The following ITGA7 variants were observed in gnomAD, a reference collection of about 807,000 sequenced individuals.
The protein encoded by ITGA7 is integrin subunit alpha 7.
A neutral mutation model predicts 131.6 loss-of-function variants in ITGA7; 84 were observed. That is an observed-to-expected ratio of 0.64 (90% confidence interval 0.54 to 0.77). The LOEUF (loss-of-function observed/expected upper bound fraction) is 0.77, where lower values mean the gene tolerates loss of function less well. Ranked by LOEUF, ITGA7 falls within the 30% of genes least tolerant of loss-of-function variation. ITGA7 has a pLI of 0.00. For missense variants in ITGA7, 1,399 were observed against 1,482.9 expected, an observed-to-expected ratio of 0.94 and a Z score of 0.93; for synonymous variants, 548 against 600.7, an observed-to-expected ratio of 0.91 and a Z score of 1.28.
At position 55,685,270 on chromosome 12, in the gene ITGA7, C is replaced by G; in HGVS notation, c.3202G>C (p.Ala1068Pro). ...LLWKMGFFKR[A>P]KHPEATVPQY... ...GGCACGGTGGCCTCGGGGTGCTTCG[C>G]CCGTTTGAAGAATCCCATCTATAAG... Residue 1068 changes from alanine to proline, a missense_variant, in exon 25 of 25, where the codon GCG becomes CCG. By Grantham distance (27) the Ala-to-Pro change is conservative. Coordinates refer to ENST00000257879, the MANE Select transcript of ITGA7 (RefSeq NM_002206.3). 4 of 1,614,148 alleles carry G rather than the reference C, an allele frequency of 2.5e-6. No individual in the cohort carries two copies. The highest frequency in any genetic ancestry group is 3.4e-6 in the Non-Finnish European group (4 of 1,180,036).
At position 55,695,557 on chromosome 12, in the gene ITGA7, G is replaced by C. The variant is rs766249553; in HGVS notation, c.1968C>G (p.Thr656=). ...NLQLVRARFC[T]RVSDTEFQPL... is the part of the protein sequence containing the mutation. Reference sequence around the variant, plus strand: ...GTTGGAATTCCGTGTCGCTGACCCGGGTACAGAAGCGGGCGCGGACCAGCT... The same window carrying C: ...GTTGGAATTCCGTGTCGCTGACCCGCGTACAGAAGCGGGCGCGGACCAGCT... Residue 656 remains threonine (T), a synonymous_variant, in exon 14 of 25, where the codon ACC becomes ACG. Coordinates refer to ENST00000257879, the MANE Select transcript of ITGA7 (RefSeq NM_002206.3). 1 of 1,613,876 alleles carries C rather than the reference G, an allele frequency of 6.2e-7. No individual in the cohort carries two copies. The highest frequency in any genetic ancestry group is 1.1e-5 in the South Asian group (1 of 91,070).
Position 55,699,923 on chromosome 12 carries a change from G to A in ITGA7, c.737C>T (p.Pro246Leu). The A allele has an allele frequency of 6.2e-7, 1 of 1,613,964 alleles. No homozygotes were observed. Residue 246 changes from proline (P) to leucine (L), a missense_variant, in exon 5 of 25, where the codon CCT becomes CTT. By Grantham distance (98) the Pro-to-Leu change is moderately conservative. Transcript: ENST00000257879. ...GGCTGGTCCTGGGAGCCGGTCAGCA[G>A]GGTCCAAAGTTTTATACACCAGCTG... ...PDQLVYKTLD[P>L]ADRLPGPAGD...
rs772243112 is a variant in ITGA7 at position 55,698,593 on chromosome 12, A to G, written c.999-17T>C. On this transcript the variant is annotated splice_polypyrimidine_tract_variant and intron_variant, in intron 6 of 24. Coordinates refer to ENST00000257879, the MANE Select transcript of ITGA7 (RefSeq NM_002206.3). ...TCTGGCCAGCTATGGAGAGAGGGAA[A>G]CATTCAGTGTGGGTCCTCCCTGGCC... 5 of 1,614,052 alleles carry G rather than the reference A, an allele frequency of 3.1e-6. No homozygotes were observed. In the South Asian group the frequency reaches 4.4e-5, roughly 14 times the overall value.
Position 55,698,398 on chromosome 12 carries a change from G to A in ITGA7, c.1177C>T (p.Gln393Ter). 1 of 1,613,006 alleles carries A rather than the reference G, an allele frequency of 6.2e-7. No homozygotes were observed. The highest frequency in any genetic ancestry group is 8.5e-7 in the Non-Finnish European group (1 of 1,179,486). ...CCCGTCACACCTGGAAAGCCATCTT[G>A]GTTGAGGTCCCCCAGGACAGCCAGG... The part of the protein sequence containing the change: ...ISLAVLGDLN[Q>*]DGFPDIAVGA... Residue 393 changes from glutamine (Q) to a stop codon, truncating the protein, a stop_gained, in exon 7 of 25, where the codon CAA (glutamine) becomes TAA (stop). Transcript: ENST00000257879. LOFTEE classifies it high-confidence loss of function.
At chr12:55,705,649 CAAG>C (rs753441839) in intron 1 of ITGA7, among the ~76,000 whole-genome samples, 3 of 152,236 alleles carry the variant, frequency 2.0e-5, no homozygotes, top group Non-Finnish European at 4.4e-5. Context: ...AATCACAATA[CAAG>C]AATAGCAATA....
At chr12:55,690,564 C>T (rs1371301710) in intron 21 of ITGA7, among the ~76,000 whole-genome samples, 19 of 149,802 alleles carry the variant, frequency 1.3e-4, no homozygotes, top group East Asian at 1.2e-3. Flanking sequence ...GTCAGTGTGG[C>T]GATTCCTCAG....
Position 55,685,326 on chromosome 12 carries a change from G to A in ITGA7, c.3184-38C>T, listed in dbSNP as rs200751368. On this transcript the variant is annotated intron_variant, in intron 24 of 24. Coordinates refer to ENST00000257879, the MANE Select transcript of ITGA7 (RefSeq NM_002206.3). ...CAGGCCAGACCATGAGGAGCCTGAA[G>A]AGCTGCGGTCCCTGGAGCAGATGCC... 4.3e-5 allele frequency: 69 copies of A among 1,587,868 alleles called. No individual in the cohort carries two copies. The African/African-American group carries it at 8.3e-4, about 19-fold the overall frequency.
chr12:55,698,679 C>T (rs1873219185), intron 6 of ITGA7, 31 bp downstream of exon 6: 1 of 1,612,872 alleles, frequency 6.2e-7, no homozygotes, highest in Non-Finnish European at 8.5e-7. Flanking sequence ...ACCCAGCCTC[C>T]CTCAGGTGGC....
Position 55,694,876 on chromosome 12 carries a change from G to T in ITGA7, c.2098C>A (p.Gln700Lys), listed in dbSNP as rs147648235. ...GCATCATCCCCATCAGCCTGGGGCT[G>T]GGCTGGGTCCGATGGCAGGTTGGTG... is the stretch of plus-strand genomic sequence containing the variant. ...MVTNLPSDPA[Q>K]PQADGDDAHE... Residue 700 changes from glutamine to lysine, a missense_variant, in exon 15 of 25, where the codon CAG (glutamine) becomes AAG (lysine). Coordinates refer to ENST00000257879, the MANE Select transcript of ITGA7 (RefSeq NM_002206.3). This position sits in a 1 kb window ranked among gnomAD's most constrained non-coding sequence, Gnocchi z 5.3. 2 of 1,614,088 alleles carry T rather than the reference G, an allele frequency of 1.2e-6. No individual in the cohort carries two copies. Among genetic ancestry groups the T allele is most frequent in the East Asian group, 4.5e-5 (2 of 44,868 alleles).
At chr12:55,688,738 G>GC (rs1870799840) in intron 22 of ITGA7, 106 bp downstream of exon 22, 10 of 844,174 alleles carry the variant, frequency 1.2e-5, no homozygotes, top group East Asian at 2.5e-5. Context: ...AAAAAAAAAG[G>GC]GGGGGGATGC....
At chr12:55,716,348 T>C, upstream of ITGA7, 1 of 1,469,888 alleles carries the variant, frequency 6.8e-7, no homozygotes, top group East Asian at 2.6e-5. Flanking sequence ...GAGGCTTTTT[T>C]TGAAACTCCT....
At position 55,684,862 on chromosome 12, in the gene ITGA7, T is replaced by C; in HGVS notation, c.*196A>G. On this transcript the variant is annotated 3_prime_UTR_variant, in exon 25 of 25. Transcript: ENST00000257879. ...ATGGCCCTGTCCCTGATTTACCCAC[T>C]CTCATCTCACAGCACTCTAAGGGGA... 1.7e-6 allele frequency: 1 copy of C among 592,964 alleles called. No homozygotes were observed. The allele number at this position is 592,964 out of a possible 1,614,324, so 36.7% of individuals were successfully genotyped here.
chr12:55,713,776 T>G (rs1472110700), upstream of ITGA7, among the ~76,000 whole-genome samples: 1 of 152,244 alleles, frequency 6.6e-6, no homozygotes, highest in East Asian at 1.9e-4. Context: ...TTTCATGTGC[T>G]TCTCCTCACT....
At chr12:55,696,582 G>A (rs904783707) in intron 12 of ITGA7, 150 bp from the exon 13 acceptor site, 1 of 979,920 alleles carries the variant, frequency 1.0e-6, no homozygotes, top group African/African-American at 1.6e-5. Flanking sequence ...AAGGAGGAGG[G>A]AGAAAGACTG....
intron 24 of ITGA7, among the ~76,000 whole-genome samples, chr12:55,685,842 T>C (rs542098575): frequency 3.3e-5 from 5 of 152,348 alleles, no homozygotes; most frequent in African/African-American, 1.2e-4. Flanking sequence ...GGTGGGAATG[T>C]GCCCCTGCAC....
At chr12:55,690,478 G>A (rs1475880222) in intron 21 of ITGA7, among the ~76,000 whole-genome samples, 7 of 148,170 alleles carry the variant, frequency 4.7e-5, no homozygotes, top group African/African-American at 1.7e-4. Context: ...AACAACAGGT[G>A]CTGGAGAGGA....
chr12:55,697,821 A>C lies in ITGA7; in HGVS notation c.1283T>G (p.Val428Gly). ...SLGVVAKPSQVLEGEAVGIKS... is the reference protein window; with the variant it reads ...SLGVVAKPSQGLEGEAVGIKS... ...GATGCCCACAGCCTCGCCCTCCAGC[A>C]CCTAGAGAACCAGCTGTCAGCCTCC... The change falls in exon 9 of 25, where the codon GTG becomes GGG. Residue 428 changes from valine to glycine, a missense_variant and splice_region_variant. Physicochemically the swap from Val to Gly is moderately radical, Grantham distance 109. Coordinates refer to ENST00000257879, the MANE Select transcript of ITGA7 (RefSeq NM_002206.3). The C allele has an allele frequency of 6.2e-7, 1 of 1,614,060 alleles. No individual in the cohort carries two copies. The highest frequency in any genetic ancestry group is 8.5e-7 in the Non-Finnish European group (1 of 1,179,986).
intron 5 of ITGA7, chr12:55,699,612 T>C: frequency 1.8e-6 from 1 of 543,054 alleles, no homozygotes; most frequent in Admixed American, 3.1e-5. Context: ...TCCTCAGCCC[T>C]GGCCCTCTCA....
At chr12:55,700,819 G>A in intron 4 of ITGA7, 80 bp downstream of exon 4, 1 of 1,570,130 alleles carries the variant, frequency 6.4e-7, no homozygotes, top group Non-Finnish European at 8.8e-7. Flanking sequence ...GTCATGCTTG[G>A]CCATGTGCCA....
Sources: allele counts gnomAD v4.1 joint callset (sites outside exome capture counted in the v4.1 genomes callset), GRCh38; gene constraint gnomAD v4.1.1; non-coding constraint Gnocchi (gnomAD v3.1); transcripts MANE v1.5; gene names NCBI Gene and HGNC (gene_info 2026-07-23, HGNC 2026-07-21).